The following PIP5K1B variants were observed in gnomAD, a reference collection of about 807,000 sequenced individuals.
The protein encoded by PIP5K1B is phosphatidylinositol 4-phosphate 5-kinase type-1 beta.
A neutral mutation model predicts 67.0 loss-of-function variants in PIP5K1B; 42 were observed. That is an observed-to-expected ratio of 0.63 (90% CI 0.49 to 0.81). The LOEUF (loss-of-function observed/expected upper bound fraction) is 0.81, where lower values mean the gene tolerates loss of function less well. Ranked by LOEUF, PIP5K1B falls within the 30% of genes least tolerant of loss-of-function variation. The probability of loss-of-function intolerance (pLI) is 0.00; values close to 1 mark genes in which losing one functional copy is unlikely to be tolerated. For synonymous variants in PIP5K1B, 214 were observed against 231.4 expected (o/e 0.92, Z 0.68); for missense variants, 459 against 646.3 (o/e 0.71, Z 3.14).
intron 1 of PIP5K1B, among the ~76,000 whole-genome samples, chr9:68,718,385 A>G (rs1827729035): frequency 6.6e-6 from 1 of 152,218 alleles, no homozygotes. Context: ...GAACCTAAAT[A>G]CTGTAAGGAA....
At chr9:68,807,320 G>T (rs191846524) in intron 2 of PIP5K1B, among the ~76,000 whole-genome samples, 1 of 152,234 alleles carries the variant, frequency 6.6e-6, no homozygotes, top group East Asian at 1.9e-4. Flanking sequence ...TGCTTGTTAC[G>T]AATTAAGCTT....
At chr9:68,823,301 G>A (rs1288637280) in intron 4 of PIP5K1B, among the ~76,000 whole-genome samples, 1 of 152,110 alleles carries the variant, frequency 6.6e-6, no homozygotes, top group Non-Finnish European at 1.5e-5. Flanking sequence ...ATAGAATATT[G>A]AGTGAAGAGA....
At chr9:68,914,914 T>C (rs1826025472) in intron 8 of PIP5K1B, among the ~76,000 whole-genome samples, 1 of 152,148 alleles carries the variant, frequency 6.6e-6, no homozygotes, top group Non-Finnish European at 1.5e-5. Flanking sequence ...GTGACATTTG[T>C]TTTCAGAAGT....
At chr9:68,848,696 A>G (rs73457693) in intron 4 of PIP5K1B, among the ~76,000 whole-genome samples, 4,611 of 152,318 alleles carry the variant, frequency 0.03, 107 homozygotes, top group African/African-American at 0.054. Flanking sequence ...GAGAGCATAC[A>G]ATTTTAATAA....
chr9:68,713,264 T>C (rs10114112), intron 1 of PIP5K1B, among the ~76,000 whole-genome samples: 18,069 of 152,238 alleles, frequency 0.12, 1,183 homozygotes, highest in African/African-American at 0.14. Flanking sequence ...CTGGGCATGG[T>C]GGCAGGTGCC....
At chr9:68,917,782 C>G (rs1309502859) in intron 9 of PIP5K1B, 23 bp downstream of exon 9, 1 of 1,570,172 alleles carries the variant, frequency 6.4e-7, no homozygotes, top group Non-Finnish European at 8.8e-7. Context: ...ACACACCTAC[C>G]CACCCTCTTG....
intron 14 of PIP5K1B, among the ~76,000 whole-genome samples, chr9:68,983,734 C>T (rs906034880): frequency 6.6e-5 from 10 of 152,104 alleles, no homozygotes; most frequent in African/African-American, 2.4e-4. Context: ...GCAATTAGCC[C>T]TCAGACAGTC....
At chr9:68,916,820 T>C (rs1230382956) in intron 8 of PIP5K1B, among the ~76,000 whole-genome samples, 1 of 151,300 alleles carries the variant, frequency 6.6e-6, no homozygotes, top group Non-Finnish European at 1.5e-5. Flanking sequence ...TGCAGTGAGC[T>C]GAGATTGCGC....
chr9:68,975,305 A>AGGC (rs59612474), intron 14 of PIP5K1B, among the ~76,000 whole-genome samples: 10,091 of 152,236 alleles, frequency 0.066, 699 homozygotes, highest in African/African-American at 0.17. Flanking sequence ...CTGGACTCAA[A>AGGC]TAATCTACCT....
chr9:68,994,133 C>T (rs931933651), intron 15 of PIP5K1B, among the ~76,000 whole-genome samples: 1 of 148,948 alleles, frequency 6.7e-6, no homozygotes, highest in Admixed American at 6.8e-5. Flanking sequence ...CTCCACCTCC[C>T]AGGTTCAAGC....
chr9:68,964,147 T>C (rs1828896536), intron 14 of PIP5K1B: 1 of 152,222 alleles, frequency 6.6e-6, no homozygotes, highest in Admixed American at 6.5e-5. Flanking sequence ...CATTCTTCTT[T>C]AAGACTGCTG....
At chr9:68,797,396 T>C (rs1587466764) in intron 2 of PIP5K1B, among the ~76,000 whole-genome samples, 1 of 152,238 alleles carries the variant, frequency 6.6e-6, no homozygotes, top group South Asian at 2.1e-4. Context: ...GAGTATATTC[T>C]AGGATTCTCC....
intron 14 of PIP5K1B, among the ~76,000 whole-genome samples, chr9:68,989,907 G>C (rs1343558577): frequency 6.6e-6 from 1 of 151,992 alleles, no homozygotes. Flanking sequence ...TGGAACCCAG[G>C]AGGTGGAGAT....
intron 1 of PIP5K1B, among the ~76,000 whole-genome samples, chr9:68,713,735 G>A (rs1827505143): frequency 6.6e-6 from 1 of 152,156 alleles, no homozygotes; most frequent in African/African-American, 2.4e-5. Flanking sequence ...AAAGCTTTTG[G>A]TAGTCACAGA....
At chr9:68,879,403 A>G (rs4745360) in intron 6 of PIP5K1B, among the ~76,000 whole-genome samples, 68,333 of 151,748 alleles carry the variant, frequency 0.45, 15,518 homozygotes, top group South Asian at 0.51. Flanking sequence ...CCCCGTCTCT[A>G]CTAAAAATAC....
rs141354749 is a variant in PIP5K1B at position 68,800,324 on chromosome 9, C to G, written c.-85-18137C>G. Among the ~76,000 whole-genome samples the G allele has an allele frequency of 3.3e-3, 503 of 152,312 alleles. 2 individuals carry two copies. Among genetic ancestry groups the G allele is most frequent in the African/African-American group, 0.011 (473 of 41,564 alleles). On this transcript the variant is annotated intron_variant, in intron 2 of 15. Transcript: ENST00000265382. ...GACCTTGCCTTTCGAATGCAATAGT[C>G]CTTGAGGTTTGTACCATGCTTTTCA...
chr9:68,936,944 A>G (rs572334969), intron 13 of PIP5K1B, among the ~76,000 whole-genome samples: 20 of 152,338 alleles, frequency 1.3e-4, no homozygotes, highest in East Asian at 3.9e-4. Context: ...CCAGCCTTGC[A>G]TCCCAGGGAT....
intron 1 of PIP5K1B, among the ~76,000 whole-genome samples, chr9:68,723,502 G>T (rs1275434701): frequency 3.3e-5 from 5 of 151,454 alleles, no homozygotes; most frequent in African/African-American, 1.2e-4. Context: ...TCCAGCATTT[G>T]TTACTTTTTG....
At position 68,924,401 on chromosome 9, in the gene PIP5K1B, C is replaced by CGAAAAAAAAAAA. The variant is rs1341716504; in HGVS notation, c.1201+1015_1201+1016insGAAAAAAAAAAA. On this transcript the variant is annotated intron_variant, in intron 12 of 15. Transcript: ENST00000265382. Reference sequence around the variant, plus strand: ...TGGGCAACAGAGTGACACTGCGCCTCAAAAAAAAAAAAAAAAAAAAAAAAT... The same window carrying CGAAAAAAAAAAA: ...TGGGCAACAGAGTGACACTGCGCCTCGAAAAAAAAAAAAAAAAAAAAAAAAAAAAAAAAAAAT... Among the ~76,000 whole-genome samples, 40 of 86,722 alleles carry CGAAAAAAAAAAA rather than the reference C, an allele frequency of 4.6e-4. 6 individuals are homozygous for CGAAAAAAAAAAA. Among genetic ancestry groups the CGAAAAAAAAAAA allele is most frequent in the Admixed American group, 5.5e-4 (4 of 7,212 alleles). The allele number at this position is 86,722 out of a possible 152,430, so 56.9% of individuals were successfully genotyped here. A position where few individuals can be genotyped will look rare whatever the true frequency, so the allele number is the denominator to read the frequency against.
Sources: allele counts gnomAD v4.1 joint callset (sites outside exome capture counted in the v4.1 genomes callset), GRCh38; gene constraint gnomAD v4.1.1; transcripts MANE v1.5; gene names NCBI Gene and HGNC (gene_info 2026-07-23, HGNC 2026-07-21).